Variants in AGK observed in about 807,000 individuals in gnomAD.
AGK encodes the protein acylglycerol kinase, mitochondrial.
Under a neutral mutation model 66.4 loss-of-function variants are expected in AGK, and 52 were observed. The ratio of observed to expected loss-of-function variants is 0.78; its 90% CI spans 0.63 to 0.99. AGK has a LOEUF of 0.99. AGK is among the 50% of genes least tolerant of loss of function. The probability of loss-of-function intolerance (pLI) is 0.00; values close to 1 mark genes in which losing one functional copy is unlikely to be tolerated. For synonymous variants in AGK, 182 were observed against 181.1 expected (o/e 1.00, Z -0.04); for missense variants, 451 against 506.6 (o/e 0.89, Z 1.05).
At chr7:141,566,092 T>C (rs1795461729) in intron 2 of AGK, among the ~76,000 whole-genome samples, 1 of 152,242 alleles carries the variant, frequency 6.6e-6, no homozygotes, top group Non-Finnish European at 1.5e-5. Context: ...TCCTTGCACA[T>C]GTTGTTCTCC....
intron 15 of AGK, 141 bp downstream of exon 15, chr7:141,651,750 G>A (rs1797566528): frequency 1.3e-6 from 1 of 768,550 alleles, no homozygotes; most frequent in Admixed American, 2.1e-5. Context: ...GCCAGGCTCT[G>A]GGTCATATTA....
chr7:141,597,373 T>G (rs1306433984), intron 4 of AGK: 1 of 152,062 alleles, frequency 6.6e-6, no homozygotes, highest in East Asian at 1.9e-4. Context: ...TAAGGAAAAA[T>G]AAATAGGCAA....
rs565435757 is a variant in AGK, at chr7:141,638,159, G to A, written c.726+1142G>A. 7.9e-5 allele frequency among the ~76,000 whole-genome samples: 12 copies of A among 152,298 alleles called. No homozygotes were observed. The South Asian group carries it at 2.5e-3, about 32-fold the overall frequency. ...CTCAAGAAGTATTCAGATGCTGGGA[G>A]GGAAGTGTAAGTAAATCAGCAGTTT... On this transcript the variant is annotated intron_variant, in intron 11 of 15. Transcript: ENST00000649286.
Position 141,649,269 on chromosome 7 carries a change from G to T in AGK, c.982G>T (p.Glu328Ter). The T allele has an allele frequency of 6.2e-7, 1 of 1,613,264 alleles. No homozygotes were observed. Among genetic ancestry groups the T allele is most frequent in the South Asian group, 1.1e-5 (1 of 91,022 alleles). The change falls in exon 14 of 16, where the codon GAA becomes TAA. Residue 328 changes from glutamate to a stop codon, truncating the protein, a stop_gained. Transcript: ENST00000649286. LOFTEE classifies it high-confidence loss of function. ...RNNQLDPTSK[E>*]DFLNICIEPD... Reference sequence around the variant, plus strand: ...GTGTTCTTAACCTTTTTAGAGCAAAGAAGATTTTCTGAATATCTGCATTGA... The same window carrying T: ...GTGTTCTTAACCTTTTTAGAGCAAATAAGATTTTCTGAATATCTGCATTGA...
chr7:141,569,602 T>A (rs1407176564), intron 2 of AGK, among the ~76,000 whole-genome samples: 1 of 152,238 alleles, frequency 6.6e-6, no homozygotes, highest in African/African-American at 2.4e-5. Flanking sequence ...CGAGGCACAG[T>A]TCTGAGCACT....
At chr7:141,634,404 G>T (rs372735024) in intron 10 of AGK, among the ~76,000 whole-genome samples, 2 of 152,196 alleles carry the variant, frequency 1.3e-5, no homozygotes, top group African/African-American at 4.8e-5. Context: ...GTATTTTTGT[G>T]AAGGCCTCGC....
At chr7:141,631,575 C>A (rs531665310) in intron 9 of AGK, among the ~76,000 whole-genome samples, 1 of 152,278 alleles carries the variant, frequency 6.6e-6, no homozygotes, top group East Asian at 1.9e-4. Context: ...AAAATATATC[C>A]AAAATCAAGC....
chr7:141,604,626 C>T (rs963664272), intron 5 of AGK, among the ~76,000 whole-genome samples: 5 of 146,476 alleles, frequency 3.4e-5, no homozygotes, highest in African/African-American at 1.3e-4. Context: ...ACTCTGTCAC[C>T]AGGCTGGAGT....
chr7:141,555,585 C>T lies in AGK; in HGVS notation c.101+18C>T. On this transcript the variant is annotated intron_variant, in intron 2 of 15. Transcript: ENST00000649286. The surrounding 1 kb of genome is among the most constrained non-coding windows in gnomAD (Gnocchi z 4.2). Reference sequence around the variant, plus strand: ...AAACACTGGTAACTATCTGACAGCCCCATCCCACCTTTGCATCTGCAGCAA... The same window carrying T: ...AAACACTGGTAACTATCTGACAGCCTCATCCCACCTTTGCATCTGCAGCAA... The T allele has an allele frequency of 6.3e-7, 1 of 1,586,816 alleles. No homozygotes were observed. Among genetic ancestry groups the T allele is most frequent in the Non-Finnish European group, 8.6e-7 (1 of 1,158,472 alleles).
intron 5 of AGK, among the ~76,000 whole-genome samples, chr7:141,602,670 C>T (rs1482662186): frequency 6.6e-6 from 1 of 151,816 alleles, no homozygotes; most frequent in African/African-American, 2.4e-5. Flanking sequence ...ATGTTTCATT[C>T]ATTTCTGATC....
At chr7:141,604,582 AT>A (rs201589014) in intron 5 of AGK, among the ~76,000 whole-genome samples, 2,609 of 135,364 alleles carry the variant, frequency 0.019, 32 homozygotes, top group African/African-American at 0.055. Flanking sequence ...ATCTTGTAGA[AT>A]TTTTTTTTTT....
At chr7:141,605,035 A>G (rs577045311) in intron 5 of AGK, among the ~76,000 whole-genome samples, 1 of 151,726 alleles carries the variant, frequency 6.6e-6, no homozygotes, top group East Asian at 1.9e-4. Context: ...GATTCAGATT[A>G]TGTAGTTTAG....
At chr7:141,621,605 A>C in intron 8 of AGK, 127 bp from the exon 9 acceptor site, 1 of 675,914 alleles carries the variant, frequency 1.5e-6, no homozygotes, top group African/African-American at 1.8e-5. Flanking sequence ...GGAGAGAGAG[A>C]GAGGGAGAGA....
intron 6 of AGK, among the ~76,000 whole-genome samples, chr7:141,611,954 G>C (rs1796598618): frequency 6.6e-6 from 1 of 152,168 alleles, no homozygotes; most frequent in South Asian, 2.1e-4. Context: ...TGAACACACT[G>C]TTAACATACA....
intron 5 of AGK, among the ~76,000 whole-genome samples, chr7:141,603,982 C>T (rs541895876): frequency 6.6e-6 from 1 of 152,230 alleles, no homozygotes; most frequent in African/African-American, 2.4e-5. Flanking sequence ...TGTCTAACCC[C>T]ATCTTATACT....
chr7:141,573,578 T>G (rs1031544687), intron 2 of AGK, among the ~76,000 whole-genome samples: 3 of 152,216 alleles, frequency 2.0e-5, no homozygotes, highest in Admixed American at 6.5e-5. Flanking sequence ...AACTGACATC[T>G]CAAACATTTC....
intron 1 of AGK, among the ~76,000 whole-genome samples, chr7:141,553,429 C>A (rs1489744716): frequency 1.3e-5 from 2 of 152,188 alleles, no homozygotes; most frequent in Non-Finnish European, 2.9e-5. Flanking sequence ...GCACCACCCC[C>A]TCAGCCCTAG....
Position 141,642,170 on chromosome 7 carries a change from G to A in AGK, c.975+262G>A, listed in dbSNP as rs1481788250. On this transcript the variant is annotated intron_variant, in intron 13 of 15. Coordinates refer to ENST00000649286, the MANE Select transcript of AGK (RefSeq NM_018238.4). The stretch of plus-strand genomic sequence containing the variant: ...TTAATTGGCATTCAGAGAACTTAGG[G>A]CAAGAGGGCTTTAGAAATGAAAATT... Among the ~76,000 whole-genome samples the A allele has an allele frequency of 7.9e-5, 12 of 152,292 alleles. No homozygotes were observed. In the East Asian group the frequency reaches 2.3e-3, roughly 29 times the overall value.
intron 5 of AGK, among the ~76,000 whole-genome samples, chr7:141,605,281 C>T (rs1241456297): frequency 2.0e-5 from 3 of 152,144 alleles, no homozygotes; most frequent in Admixed American, 6.6e-5. Flanking sequence ...CCCTGGGAAT[C>T]GTCGAGGAGT....
Sources: allele counts gnomAD v4.1 joint callset (sites outside exome capture counted in the v4.1 genomes callset), GRCh38; gene constraint gnomAD v4.1.1; non-coding constraint Gnocchi (gnomAD v3.1); transcripts MANE v1.5; gene names NCBI Gene and HGNC (gene_info 2026-07-23, HGNC 2026-07-21).